The following SLC35D4 variants were observed in gnomAD, a reference collection of about 807,000 sequenced individuals.
SLC35D4 encodes solute carrier family 35 member D4.
the SLC35D4 span, among the ~76,000 whole-genome samples, chr18:23,353,673 G>C: frequency 6.6e-6 from 1 of 152,152 alleles, no homozygotes; most frequent in African/African-American, 2.4e-5. Flanking sequence ...AGTCATGGGA[G>C]GCTGAACAGC....
At chr18:23,303,728 T>C in the SLC35D4 span, among the ~76,000 whole-genome samples, 2 of 150,092 alleles carry the variant, frequency 1.3e-5, no homozygotes, top group African/African-American at 4.9e-5. Context: ...TGGCAAAACC[T>C]GGTCTCTCCT....
the SLC35D4 span, among the ~76,000 whole-genome samples, chr18:23,312,016 G>A: frequency 6.6e-6 from 1 of 152,194 alleles, no homozygotes; most frequent in African/African-American, 2.4e-5. Context: ...GGAACACTTC[G>A]CTTGATTTAT....
the SLC35D4 span, chr18:23,371,493 G>GA: frequency 1.3e-6 from 2 of 1,577,620 alleles, no homozygotes; most frequent in Non-Finnish European, 1.7e-6. Context: ...ATTAAAAAAA[G>GA]AAAAAATGGC....
chr18:23,430,759 A>G, the SLC35D4 span: 1 of 1,328,654 alleles, frequency 7.5e-7, no homozygotes, highest in Non-Finnish European at 1.1e-6. Context: ...TTTCTATTAA[A>G]AAACATAACC....
chr18:23,371,598 G>A, the SLC35D4 span: 1 of 626,450 alleles, frequency 1.6e-6, no homozygotes, highest in Non-Finnish European at 2.6e-6. Context: ...GGACTCCTGG[G>A]GCCGTACATC....
chr18:23,353,768 C>T, the SLC35D4 span, among the ~76,000 whole-genome samples: 145,324 of 152,244 alleles, frequency 0.95, 69,738 homozygotes, highest in East Asian at 1. Flanking sequence ...TCACACCCAG[C>T]GCCTGGATTT....
At chr18:23,360,472 C>T in the SLC35D4 span, among the ~76,000 whole-genome samples, 8 of 152,262 alleles carry the variant, frequency 5.3e-5, no homozygotes, top group South Asian at 1.5e-3. Context: ...TCATGATATA[C>T]GCAACAACAT....
At chr18:23,411,267 G>A in the SLC35D4 span, among the ~76,000 whole-genome samples, 46 of 143,816 alleles carry the variant, frequency 3.2e-4, no homozygotes, top group South Asian at 6.9e-4. Context: ...CAGGGAGAGA[G>A]AAGGGAAGGG....
At chr18:23,356,476 T>A in the SLC35D4 span, 3 of 1,023,330 alleles carry the variant, frequency 2.9e-6, no homozygotes, top group Non-Finnish European at 4.5e-6. This position sits in a 1 kb window ranked among gnomAD's most constrained non-coding sequence, Gnocchi z 4.1. Flanking sequence ...CTTGCCTGCA[T>A]CCACCACCAC....
At chr18:23,403,475 C>T in the SLC35D4 span, among the ~76,000 whole-genome samples, 18,667 of 152,208 alleles carry the variant, frequency 0.12, 1,260 homozygotes, top group Middle Eastern at 0.19. Flanking sequence ...ACATTCCAGA[C>T]ATAAACACGG....
At chr18:23,312,617 A>G in the SLC35D4 span, among the ~76,000 whole-genome samples, 1 of 152,192 alleles carries the variant, frequency 6.6e-6, no homozygotes, top group Non-Finnish European at 1.5e-5. Context: ...TATTCGGTAC[A>G]GGCAAGACTC....
the SLC35D4 span, among the ~76,000 whole-genome samples, chr18:23,318,871 T>A: frequency 6.6e-6 from 1 of 151,832 alleles, no homozygotes; most frequent in Non-Finnish European, 1.5e-5. Flanking sequence ...TGAGGTGGAG[T>A]CTCACTCTGT....
the SLC35D4 span, among the ~76,000 whole-genome samples, chr18:23,307,509 G>A: frequency 3.0e-3 from 458 of 152,300 alleles, 4 homozygotes; most frequent in African/African-American, 0.01. Context: ...CCACCCGATC[G>A]CTTCATTCTT....
At chr18:23,401,308 C>T in the SLC35D4 span, among the ~76,000 whole-genome samples, 23 of 152,268 alleles carry the variant, frequency 1.5e-4, no homozygotes, top group Non-Finnish European at 2.6e-4. Flanking sequence ...TTTGCCTTCA[C>T]GGACCTCATA....
chr18:23,245,346 A>G, the SLC35D4 span, among the ~76,000 whole-genome samples: 2 of 151,980 alleles, frequency 1.3e-5, no homozygotes, highest in African/African-American at 2.4e-5. Flanking sequence ...CATCTCTACC[A>G]AAAAATACAA....
chr18:23,282,882 TA>T, the SLC35D4 span, among the ~76,000 whole-genome samples: 3 of 151,934 alleles, frequency 2.0e-5, no homozygotes, highest in Non-Finnish European at 4.4e-5. Context: ...GACATACAGA[TA>T]GGGGGCACCT....
the SLC35D4 span, among the ~76,000 whole-genome samples, chr18:23,304,897 A>G: frequency 9.9e-5 from 15 of 151,792 alleles, no homozygotes; most frequent in Admixed American, 3.3e-4. Context: ...TCTTCCAAAC[A>G]CTCCTGGCCT....
chr18:23,303,467 T>A, the SLC35D4 span, among the ~76,000 whole-genome samples: 1 of 152,358 alleles, frequency 6.6e-6, no homozygotes, highest in Non-Finnish European at 1.5e-5. Flanking sequence ...CTATTCCGAC[T>A]CAGCATTTCC....
At chr18:23,405,014 A>T in the SLC35D4 span, among the ~76,000 whole-genome samples, 1 of 150,694 alleles carries the variant, frequency 6.6e-6, no homozygotes, top group African/African-American at 2.4e-5. Context: ...AAAAAAAAAA[A>T]AAAAAAAAAC....
Sources: gnomAD v4.1 joint callset for allele counts (sites outside exome capture counted in the v4.1 genomes callset) on GRCh38, gnomAD v4.1.1 for gene constraint, Gnocchi (gnomAD v3.1) non-coding constraint, MANE v1.5 for transcripts, NCBI Gene and HGNC (gene_info 2026-07-23, HGNC 2026-07-21) for gene names.